MEGF10: variants seen among roughly 807,000 people sequenced by gnomAD.
The protein encoded by MEGF10 is multiple epidermal growth factor-like domains protein 10.
MEGF10 carries 86 observed loss-of-function variants against 147.5 expected under a neutral mutation model. The ratio of observed to expected loss-of-function variants is 0.58; its 90% CI spans 0.49 to 0.70. The LOEUF (loss-of-function observed/expected upper bound fraction) is 0.70, where lower values mean the gene tolerates loss of function less well. Ranked by LOEUF, MEGF10 falls within the 30% of genes least tolerant of loss-of-function variation. MEGF10 has a pLI of 0.00. For missense variants in MEGF10, 1,329 were observed against 1,487.3 expected (o/e 0.89, Z 1.75); for synonymous variants, 478 against 525.5 (o/e 0.91, Z 1.24).
At chr5:127,359,391 C>T (rs1762395028) in intron 4 of MEGF10, among the ~76,000 whole-genome samples, 1 of 151,820 alleles carries the variant, frequency 6.6e-6, no homozygotes, top group Admixed American at 6.6e-5. Flanking sequence ...GTAAAATTGA[C>T]ATACAATAAG....
chr5:127,247,407 GAAGAAGAAGAAGAAGAA>G, the MEGF10 span, among the ~76,000 whole-genome samples: 1 of 65,300 alleles, frequency 1.5e-5, no homozygotes, highest in East Asian at 3.3e-4. Flanking sequence ...AGAAGAAGAA[GAAGAAGAAGAAGAAGAA>G]GAAGAAGAAG....
the MEGF10 span, among the ~76,000 whole-genome samples, chr5:127,240,280 C>T: frequency 6.6e-6 from 1 of 152,144 alleles, no homozygotes; most frequent in Non-Finnish European, 1.5e-5. Flanking sequence ...ATTTGCTTAG[C>T]ATGAAGCCCC....
Position 127,325,903 on chromosome 5 carries a change from A to G in MEGF10, c.-18-5388A>G, listed in dbSNP as rs898420918. On this transcript the variant is annotated intron_variant, in intron 1 of 24. Transcript: ENST00000503335. ...TGTGTGTGTGTATATATATATATATATATATATTTTTTTTTTTTTAAGACA... is the reference window on the plus strand; with the variant it reads ...TGTGTGTGTGTATATATATATATATGTATATATTTTTTTTTTTTTAAGACA... Among the ~76,000 whole-genome samples, 94 of 39,550 alleles carry G rather than the reference A, an allele frequency of 2.4e-3. 1 individual carries two copies. The highest frequency in any genetic ancestry group is 3.8e-3 in the Admixed American group (9 of 2,394). 25.9% of individuals were successfully genotyped at this position (39,550 alleles called of 152,430 possible). A position where few individuals can be genotyped will look rare whatever the true frequency, so the allele number is the denominator to read the frequency against.
chr5:127,267,717 T>C, the MEGF10 span, among the ~76,000 whole-genome samples: 2 of 152,214 alleles, frequency 1.3e-5, no homozygotes, highest in African/African-American at 4.8e-5. Context: ...CATAGAGGTG[T>C]TTATAGTACT....
intron 4 of MEGF10, among the ~76,000 whole-genome samples, chr5:127,351,033 G>A (rs1488722276): frequency 6.6e-6 from 1 of 151,964 alleles, no homozygotes; most frequent in African/African-American, 2.4e-5. Context: ...AAATGGGGAT[G>A]GTTAATGGGT....
intron 13 of MEGF10, 43 bp from the exon 14 acceptor site, chr5:127,433,320 G>C (rs111801586): frequency 1.4e-5 from 22 of 1,613,496 alleles, no homozygotes; most frequent in Non-Finnish European, 1.8e-5. Flanking sequence ...CGGAAACTCC[G>C]CACTGCCTCT....
chr5:127,373,816 C>T (rs1481621418), intron 5 of MEGF10, among the ~76,000 whole-genome samples: 3 of 152,124 alleles, frequency 2.0e-5, no homozygotes, highest in Admixed American at 6.5e-5. Context: ...CTAAGGTGGA[C>T]ATAGAATGTC....
the MEGF10 span, among the ~76,000 whole-genome samples, chr5:127,249,341 CAGAG>C: frequency 2.0e-5 from 3 of 148,386 alleles, no homozygotes; most frequent in Non-Finnish European, 3.0e-5. Context: ...TACATACACA[CAGAG>C]AGAGAGAGAG....
At chr5:127,383,212 G>A (rs927192886) in intron 5 of MEGF10, among the ~76,000 whole-genome samples, 2 of 152,154 alleles carry the variant, frequency 1.3e-5, no homozygotes, top group Non-Finnish European at 2.9e-5. Context: ...TATGGGAAAA[G>A]GTAAATTTTT....
intron 22 of MEGF10, 138 bp downstream of exon 22, chr5:127,449,360 C>T: frequency 9.0e-7 from 1 of 1,109,152 alleles, no homozygotes; most frequent in African/African-American, 1.6e-5. Context: ...TGCCTAACAC[C>T]TGTACAGGGC....
Position 127,457,291 on chromosome 5 carries a change from C to G in MEGF10, c.3396C>G (p.Ser1132Arg), listed in dbSNP as rs762840278. ...AGCAAGAGGACAGTGGTGGTAGCAG[C>G]AGCAACAGCAGCAGCAGCAGTGAAT... ...SPKQEDSGGS[S>R]SNSSSSSE The change falls in exon 25 of 25, where the codon AGC becomes AGG. Residue 1132 changes from serine to arginine, a missense_variant. This residue lies in a region of MEGF10 where 343 missense variants were observed against 377.9 expected (regional missense o/e 0.91). Coordinates refer to ENST00000503335, the MANE Select transcript of MEGF10 (RefSeq NM_001256545.2). The G allele has an allele frequency of 2.5e-6, 4 of 1,613,336 alleles. No homozygotes were observed. The highest frequency in any genetic ancestry group is 1.6e-4 in the Middle Eastern group (1 of 6,076).
chr5:127,240,599 A>C, the MEGF10 span, among the ~76,000 whole-genome samples: 2 of 152,358 alleles, frequency 1.3e-5, no homozygotes, highest in East Asian at 3.9e-4. Context: ...CTCTGACAAT[A>C]TGGAAACATT....
intron 13 of MEGF10, among the ~76,000 whole-genome samples, chr5:127,423,825 GTTA>G (rs1765114774): frequency 6.6e-6 from 1 of 151,884 alleles, no homozygotes; most frequent in South Asian, 2.1e-4. Context: ...CATTCTTTGA[GTTA>G]TTTTTTCCTT....
At chr5:127,416,024 T>TTTTTGC (rs1764756081) in intron 9 of MEGF10, among the ~76,000 whole-genome samples, 1 of 149,862 alleles carries the variant, frequency 6.7e-6, no homozygotes, top group African/African-American at 2.5e-5. Context: ...TTTGTTTTTG[T>TTTTTGC]TTTTGTTTTT....
At chr5:127,360,246 TA>T (rs1169097183) in intron 4 of MEGF10, among the ~76,000 whole-genome samples, 1 of 152,086 alleles carries the variant, frequency 6.6e-6, no homozygotes. Flanking sequence ...AAGTATTTCA[TA>T]TTTTTTGAGG....
intron 1 of MEGF10, among the ~76,000 whole-genome samples, chr5:127,318,557 T>A (rs191158733): frequency 6.6e-6 from 1 of 152,198 alleles, no homozygotes; most frequent in African/African-American, 2.4e-5. Flanking sequence ...CCAGATGATA[T>A]GCTTTAAAAA....
intron 2 of MEGF10, among the ~76,000 whole-genome samples, chr5:127,337,456 TG>T: frequency 6.6e-6 from 1 of 152,080 alleles, no homozygotes. Context: ...TTTCACAGGA[TG>T]AAAAAATATT....
chr5:127,393,303 C>T (rs753840785), intron 5 of MEGF10, among the ~76,000 whole-genome samples: 1 of 152,172 alleles, frequency 6.6e-6, no homozygotes, highest in Non-Finnish European at 1.5e-5. Context: ...TCAAATTCTG[C>T]ACTAAACATA....
At chr5:127,304,589 G>T (rs1412205815) in intron 1 of MEGF10, among the ~76,000 whole-genome samples, 3 of 152,312 alleles carry the variant, frequency 2.0e-5, no homozygotes, top group African/African-American at 7.2e-5. Context: ...TGCCTCCTGG[G>T]TTCAAGTGAT....
Sources: allele counts gnomAD v4.1 joint callset (sites outside exome capture counted in the v4.1 genomes callset), GRCh38; gene constraint gnomAD v4.1.1; regional missense constraint gnomAD v4.1.1; transcripts MANE v1.5; gene names NCBI Gene and HGNC (gene_info 2026-07-23, HGNC 2026-07-21).